FBN1: variants seen among roughly 807,000 people sequenced by gnomAD.
The protein encoded by FBN1 is fibrillin 1.
FBN1 carries 29 observed loss-of-function variants against 365.1 expected under a neutral mutation model. The ratio of observed to expected loss-of-function variants is 0.08; its 90% CI spans 0.06 to 0.11. The LOEUF (loss-of-function observed/expected upper bound fraction) is 0.11. FBN1 is among the 10% of genes least tolerant of loss of function. FBN1 has a pLI of 1.00. For missense variants in FBN1, 2,476 were observed against 3,703.2 expected (o/e 0.67, Z 8.60); for synonymous variants, 1,210 against 1,270.5 (o/e 0.95, Z 1.01).
chr15:48,437,608 C>G, intron 51 of FBN1, 160 bp downstream of exon 51: 1 of 893,958 alleles, frequency 1.1e-6, no homozygotes, highest in Non-Finnish European at 1.7e-6. Context: ...AAGAAAATAA[C>G]TACCAAGCTC....
At chr15:48,450,593 C>G (rs115752662) in intron 45 of FBN1, among the ~76,000 whole-genome samples, 3,899 of 152,214 alleles carry the variant, frequency 0.026, 81 homozygotes, top group East Asian at 0.083. Flanking sequence ...TGGGAAGAAA[C>G]TGTTCCTTGT....
intron 2 of FBN1, among the ~76,000 whole-genome samples, chr15:48,630,175 G>A (rs1889958312): frequency 6.6e-6 from 1 of 152,016 alleles, no homozygotes; most frequent in East Asian, 1.9e-4. Context: ...TTTTCATAAA[G>A]ACATTTTATC....
chr15:48,549,915 A>G (rs1015766525), intron 6 of FBN1, among the ~76,000 whole-genome samples: 1 of 152,242 alleles, frequency 6.6e-6, no homozygotes, highest in Non-Finnish European at 1.5e-5. Flanking sequence ...AACCTGCATG[A>G]AAGTCATCAC....
intron 32 of FBN1, 139 bp from the exon 33 acceptor site, chr15:48,474,789 C>T (rs2043406715): frequency 1.1e-6 from 1 of 933,000 alleles, no homozygotes; most frequent in East Asian, 2.6e-5. Context: ...CATATATAAA[C>T]TCTACATATA....
intron 10 of FBN1, 127 bp from the exon 11 acceptor site, chr15:48,516,489 A>T (rs2043804197): frequency 4.1e-6 from 4 of 975,104 alleles, no homozygotes; most frequent in Admixed American, 4.2e-5. Flanking sequence ...TTCACAGGTC[A>T]ACTGGAGAAA....
chr15:48,514,158 T>G (rs958938915), intron 12 of FBN1, among the ~76,000 whole-genome samples: 2 of 152,156 alleles, frequency 1.3e-5, no homozygotes, highest in African/African-American at 4.8e-5. Context: ...GTCTCCCCCA[T>G]CCCCAGATGT....
chr15:48,637,407 T>C (rs1440086554), intron 2 of FBN1, among the ~76,000 whole-genome samples: 3 of 152,210 alleles, frequency 2.0e-5, no homozygotes, highest in Admixed American at 6.5e-5. Context: ...CATTGCCACC[T>C]ATGTACGGGC....
chr15:48,525,656 G>T (rs1051552614), intron 9 of FBN1, among the ~76,000 whole-genome samples: 2 of 152,180 alleles, frequency 1.3e-5, no homozygotes, highest in Non-Finnish European at 2.9e-5. Flanking sequence ...AAACTACCGA[G>T]GGTTTGAGCA....
chr15:48,624,123 T>A (rs1031005894), intron 2 of FBN1, among the ~76,000 whole-genome samples: 2 of 151,006 alleles, frequency 1.3e-5, no homozygotes, highest in African/African-American at 4.9e-5. Context: ...TGTATATATT[T>A]AAAAAAAAAG....
chr15:48,568,991 A>T (rs2044283384), intron 6 of FBN1, among the ~76,000 whole-genome samples: 1 of 152,132 alleles, frequency 6.6e-6, no homozygotes, highest in South Asian at 2.1e-4. Flanking sequence ...CTGATAATTT[A>T]GACATCATCA....
intron 6 of FBN1, among the ~76,000 whole-genome samples, chr15:48,546,765 C>G (rs1291318427): frequency 6.6e-6 from 1 of 151,952 alleles, no homozygotes. Flanking sequence ...TGAAAGTTGG[C>G]GAGAGTGGTG....
At chr15:48,634,336 G>A (rs1028635675) in intron 2 of FBN1, among the ~76,000 whole-genome samples, 3 of 152,204 alleles carry the variant, frequency 2.0e-5, no homozygotes, top group Non-Finnish European at 4.4e-5. Context: ...GCATCCAAGT[G>A]TCTTTCTTTT....
intron 6 of FBN1, among the ~76,000 whole-genome samples, chr15:48,568,788 T>C (rs2044281135): frequency 6.6e-6 from 1 of 152,072 alleles, no homozygotes; most frequent in African/African-American, 2.4e-5. Flanking sequence ...TGGATATGGA[T>C]ATGTACATGC....
chr15:48,445,585 A>T lies in FBN1; in HGVS notation c.5789-81T>A, dbSNP rs975957092. 1.6e-5 allele frequency: 24 copies of T among 1,517,052 alleles called. 1 individual carries two copies. In the African/African-American group the frequency reaches 1.9e-4, roughly 12 times the overall value. The allele number at this position is 1,517,052 out of a possible 1,614,324, so 94.0% of individuals were successfully genotyped here. On this transcript the variant is annotated intron_variant, in intron 47 of 65. Transcript: ENST00000316623. ...GCAATAATCAAAACTTCTAAAAGAAAAAATACTTTTTCTGAATTTTAGTGG... is the reference window on the plus strand; with the variant it reads ...GCAATAATCAAAACTTCTAAAAGAATAAATACTTTTTCTGAATTTTAGTGG...
At chr15:48,495,847 G>C (rs2043603670) in intron 20 of FBN1, among the ~76,000 whole-genome samples, 1 of 152,148 alleles carries the variant, frequency 6.6e-6, no homozygotes, top group Admixed American at 6.5e-5. Context: ...TGTGATTTCT[G>C]AATGAATAGC....
chr15:48,412,336 A>T (rs1048283668), intron 65 of FBN1, among the ~76,000 whole-genome samples: 2 of 152,160 alleles, frequency 1.3e-5, no homozygotes, highest in African/African-American at 4.8e-5. Context: ...TTGGCGAGAC[A>T]GAGGAAATGA....
rs113103623 is a variant in FBN1 at position 48,451,723 on chromosome 15, C to T, written c.5545+839G>A. Among the ~76,000 whole-genome samples, 340 of 152,228 alleles carry T rather than the reference C, an allele frequency of 2.2e-3. 4 individuals are homozygous for T. Among genetic ancestry groups the T allele is most frequent in the Admixed American group, 4.8e-3 (74 of 15,294 alleles). ...GACTAATATACAATGATTTGCTTTG[C>T]TAAATATACAGTGATTTTTGCTAAA... On this transcript the variant is annotated intron_variant, in intron 45 of 65. Coordinates refer to ENST00000316623, the MANE Select transcript of FBN1 (RefSeq NM_000138.5).
intron 6 of FBN1, among the ~76,000 whole-genome samples, chr15:48,595,543 C>A (rs2044509464): frequency 6.6e-6 from 1 of 152,168 alleles, no homozygotes; most frequent in Non-Finnish European, 1.5e-5. Flanking sequence ...ATCTCAATAT[C>A]ATACTTGTAT....
intron 2 of FBN1, among the ~76,000 whole-genome samples, chr15:48,633,270 A>G (rs117234455): frequency 0.013 from 1,947 of 152,336 alleles, 19 homozygotes; most frequent in Non-Finnish European, 0.018. Flanking sequence ...GGAGGAAAAC[A>G]CAAGAATTTA....
Sources: gnomAD v4.1 joint callset for allele counts (sites outside exome capture counted in the v4.1 genomes callset) on GRCh38, gnomAD v4.1.1 for gene constraint, MANE v1.5 for transcripts, NCBI Gene and HGNC (gene_info 2026-07-23, HGNC 2026-07-21) for gene names.